The following KCNJ6 variants were observed in gnomAD, a reference collection of about 807,000 sequenced individuals.
KCNJ6 encodes potassium inwardly rectifying channel subfamily J member 6.
KCNJ6 carries 9 observed loss-of-function variants against 34.2 expected under a neutral mutation model. The observed-to-expected ratio is 0.26, with a 90% confidence interval of 0.16 to 0.46. The LOEUF is 0.46. Ranked by LOEUF, KCNJ6 falls within the 20% of genes least tolerant of loss-of-function variation. The probability of loss-of-function intolerance (pLI) is 1.00; values close to 1 mark genes in which losing one functional copy is unlikely to be tolerated. For synonymous variants in KCNJ6, 196 were observed against 207.1 expected, an observed-to-expected ratio of 0.95 and a Z score of 0.46; for missense variants, 236 against 531.3, an observed-to-expected ratio of 0.44 and a Z score of 5.46.
intron 2 of KCNJ6, among the ~76,000 whole-genome samples, chr21:37,721,685 G>A (rs943678950): frequency 6.6e-6 from 1 of 152,212 alleles, no homozygotes. Context: ...CAAACATATG[G>A]AAGGAAATTC....
intron 1 of KCNJ6, among the ~76,000 whole-genome samples, chr21:37,848,008 AG>A (rs938797068): frequency 3.9e-5 from 6 of 152,192 alleles, no homozygotes; most frequent in African/African-American, 1.4e-4. Flanking sequence ...AGCAGGTCAC[AG>A]GGGGACCAAG....
chr21:37,686,410 T>C (rs2054615287), intron 3 of KCNJ6, among the ~76,000 whole-genome samples: 2 of 151,582 alleles, frequency 1.3e-5, no homozygotes, highest in Admixed American at 1.3e-4. Flanking sequence ...TGTGTTGAAG[T>C]TGGTGTTTAT....
chr21:37,874,343 G>A (rs2055667296), intron 1 of KCNJ6, among the ~76,000 whole-genome samples: 1 of 152,170 alleles, frequency 6.6e-6, no homozygotes, highest in South Asian at 2.1e-4. Flanking sequence ...GGCTCACTAG[G>A]ACATGTTCTC....
At chr21:37,702,702 A>T (rs948997431) in intron 3 of KCNJ6, among the ~76,000 whole-genome samples, 5 of 152,226 alleles carry the variant, frequency 3.3e-5, no homozygotes, top group Non-Finnish European at 7.3e-5. Context: ...GTCGCTGAGA[A>T]GGAAAGTAGG....
rs1182540001 is a variant in KCNJ6 at position 37,614,644 on chromosome 21, G to A, written c.*10515C>T. The A allele has an allele frequency of 7.1e-6, 1 of 140,706 alleles. No homozygotes were observed. The highest frequency in any genetic ancestry group is 2.0e-4 in the East Asian group (1 of 4,920). The allele number at this position is 140,706 out of a possible 1,614,324, so 8.7% of individuals were successfully genotyped here. On this transcript the variant is annotated 3_prime_UTR_variant, in exon 4 of 4. Coordinates refer to ENST00000609713, the MANE Select transcript of KCNJ6 (RefSeq NM_002240.5). ...TGTATGCATATGTCTGTGTGTGTAT[G>A]CACGTGTGTGTATGCATGTGTCTCT...
intron 3 of KCNJ6, among the ~76,000 whole-genome samples, chr21:37,669,912 G>A (rs1209782326): frequency 6.6e-6 from 1 of 152,088 alleles, no homozygotes; most frequent in African/African-American, 2.4e-5. Flanking sequence ...GCCTGTACTT[G>A]TGGTGTCACA....
At chr21:37,844,076 T>TTC (rs1364185444) in intron 1 of KCNJ6, among the ~76,000 whole-genome samples, 1 of 151,692 alleles carries the variant, frequency 6.6e-6, no homozygotes, top group African/African-American at 2.4e-5. Flanking sequence ...TTTTTTTTTT[T>TTC]TGAGATGGAG....
chr21:37,700,845 G>A (rs1027690392), intron 3 of KCNJ6, among the ~76,000 whole-genome samples: 1 of 152,132 alleles, frequency 6.6e-6, no homozygotes, highest in African/African-American at 2.4e-5. Flanking sequence ...AGTGTCTTGA[G>A]GAGGGATGCC....
chr21:37,685,312 T>C (rs2054608354), intron 3 of KCNJ6, among the ~76,000 whole-genome samples: 3 of 151,890 alleles, frequency 2.0e-5, no homozygotes, highest in Admixed American at 2.0e-4. Context: ...AATGATCCTT[T>C]GTAGGAGGGC....
chr21:37,865,640 C>A (rs923883989), intron 1 of KCNJ6, among the ~76,000 whole-genome samples: 1 of 152,200 alleles, frequency 6.6e-6, no homozygotes, highest in African/African-American at 2.4e-5. Flanking sequence ...ATGTCATACC[C>A]CTGTTAAGGG....
intron 2 of KCNJ6, among the ~76,000 whole-genome samples, chr21:37,808,246 T>C (rs1158617394): frequency 6.6e-6 from 1 of 152,226 alleles, no homozygotes; most frequent in Non-Finnish European, 1.5e-5. Flanking sequence ...GTGTTAAAAG[T>C]GTCAATCATA....
intron 2 of KCNJ6, among the ~76,000 whole-genome samples, chr21:37,729,891 C>T (rs570515004): frequency 2.6e-5 from 4 of 151,270 alleles, no homozygotes; most frequent in Non-Finnish European, 5.9e-5. Context: ...AGTCCTGCAA[C>T]CTCAGATGTC....
Position 37,695,898 on chromosome 21 carries a change from C to T in KCNJ6, c.946+18313G>A, listed in dbSNP as rs2054661400. On this transcript the variant is annotated intron_variant, in intron 3 of 3. Transcript: ENST00000609713. The surrounding 1 kb of genome is among the most constrained non-coding windows in gnomAD (Gnocchi z 4.2). ...TTTTTGTGCCAGAAAAAAGGAAGAA[C>T]ACACAAAATGATTATGTTCAAAGGG... Among the ~76,000 whole-genome samples, 1 of 152,198 alleles carries T rather than the reference C, an allele frequency of 6.6e-6. No homozygotes were observed. The highest frequency in any genetic ancestry group is 1.5e-5 in the Non-Finnish European group (1 of 68,036).
At chr21:37,679,687 T>G (rs1297887317) in intron 3 of KCNJ6, among the ~76,000 whole-genome samples, 1 of 51,620 alleles carries the variant, frequency 1.9e-5, no homozygotes. Flanking sequence ...CAAGGGTTAG[T>G]GTGTTCATTG....
Position 37,615,240 on chromosome 21 carries a change from C to CCTTTTTTTT in KCNJ6, c.*9918_*9919insAAAAAAAAG, listed in dbSNP as rs774526741. The stretch of plus-strand genomic sequence containing the variant: ...TCAGACCCTCGACTGACATTCCCAG[C>CCTTTTTTTT]ATTCTTTTTTTTTTTTTTTTTTTTT... On this transcript the variant is annotated 3_prime_UTR_variant, in exon 4 of 4. Coordinates refer to ENST00000609713, the MANE Select transcript of KCNJ6 (RefSeq NM_002240.5). 1.1e-5 allele frequency: 1 copy of CCTTTTTTTT among 89,560 alleles called. No homozygotes were observed. The highest frequency in any genetic ancestry group is 5.0e-4 in the South Asian group (1 of 2,018). 5.5% of individuals were successfully genotyped at this position (89,560 alleles called of 1,614,324 possible). A position where few individuals can be genotyped will look rare whatever the true frequency, so the allele number is the denominator to read the frequency against.
intron 2 of KCNJ6, among the ~76,000 whole-genome samples, chr21:37,811,565 C>T (rs1382393085): frequency 1.3e-5 from 2 of 152,146 alleles, no homozygotes; most frequent in African/African-American, 2.4e-5. Context: ...AGAGCCTGCA[C>T]ATCTGGTGTC....
intron 3 of KCNJ6, among the ~76,000 whole-genome samples, chr21:37,653,488 G>A (rs2054443377): frequency 1.3e-5 from 2 of 152,146 alleles, no homozygotes; most frequent in Non-Finnish European, 2.9e-5. Context: ...ACAAAGGAAG[G>A]GAGGGATTAA....
At chr21:37,761,548 G>T (rs1165255439) in intron 2 of KCNJ6, among the ~76,000 whole-genome samples, 3 of 148,128 alleles carry the variant, frequency 2.0e-5, no homozygotes, top group African/African-American at 5.0e-5. Flanking sequence ...CGTGTGTGTG[G>T]TATGTGTGTA....
chr21:37,759,258 C>T (rs561027017), intron 2 of KCNJ6, among the ~76,000 whole-genome samples: 9 of 152,186 alleles, frequency 5.9e-5, no homozygotes, highest in Non-Finnish European at 1.3e-4. Flanking sequence ...CTTTCCCTTG[C>T]GCTTTGAGGT....
Sources: allele counts gnomAD v4.1 joint callset (sites outside exome capture counted in the v4.1 genomes callset), GRCh38; gene constraint gnomAD v4.1.1; non-coding constraint Gnocchi (gnomAD v3.1); transcripts MANE v1.5; gene names NCBI Gene and HGNC (gene_info 2026-07-23, HGNC 2026-07-21).